ANKRD44: variants seen among roughly 807,000 people sequenced by gnomAD.
ANKRD44 encodes the protein serine/threonine-protein phosphatase 6 regulatory ankyrin repeat subunit B.
In ANKRD44, 35 loss-of-function variants were observed where a neutral mutation model predicts 116.0. The ratio of observed to expected loss-of-function variants is 0.30; its 90% confidence interval spans 0.23 to 0.40. The LOEUF is 0.40. Ranked by LOEUF, ANKRD44 falls within the 10% of genes least tolerant of loss-of-function variation. ANKRD44 has a pLI of 1.00. For missense variants in ANKRD44, 1,014 were observed against 1,242.6 expected (o/e 0.82, Z 2.77); for synonymous variants, 435 against 461.8 (o/e 0.94, Z 0.74).
At chr2:197,214,256 C>T (rs374006160) in intron 1 of ANKRD44, among the ~76,000 whole-genome samples, 1 of 152,016 alleles carries the variant, frequency 6.6e-6, no homozygotes, top group African/African-American at 2.4e-5. Flanking sequence ...AAATATGGCA[C>T]ATCAAAATGA....
At chr2:197,141,783 G>A (rs1042771874) in intron 3 of ANKRD44, among the ~76,000 whole-genome samples, 3 of 152,174 alleles carry the variant, frequency 2.0e-5, no homozygotes, top group Non-Finnish European at 4.4e-5. Context: ...GAATGGAGAC[G>A]CAAGAAGCAT....
intron 16 of ANKRD44, among the ~76,000 whole-genome samples, chr2:197,050,422 T>A (rs185569467): frequency 9.2e-5 from 14 of 151,826 alleles, no homozygotes; most frequent in Non-Finnish European, 2.1e-4. Context: ...TTGTTTTTTG[T>A]TTTTGCTTTT....
At position 197,110,644 on chromosome 2, in the gene ANKRD44, T is replaced by C; in HGVS notation, c.985+122A>G. ...TTTAGCAAAGTACATCAAAGAATTA[T>C]GTAATTGCATGCTTACTAAAACTCC... On this transcript the variant is annotated intron_variant, in intron 9 of 27. Transcript: ENST00000282272. 5.1e-6 allele frequency: 4 copies of C among 784,076 alleles called. No homozygotes were observed. In the East Asian group the frequency reaches 9.8e-5, roughly 19 times the overall value. 48.6% of individuals were successfully genotyped at this position (784,076 alleles called of 1,614,324 possible). A position where few individuals can be genotyped will look rare whatever the true frequency, so the allele number is the denominator to read the frequency against.
chr2:197,180,346 C>T (rs906513266), intron 2 of ANKRD44, among the ~76,000 whole-genome samples: 6 of 152,204 alleles, frequency 3.9e-5, no homozygotes, highest in African/African-American at 1.4e-4. Flanking sequence ...TTAGAGATTT[C>T]CTGTATTTTC....
intron 1 of ANKRD44, among the ~76,000 whole-genome samples, chr2:197,277,022 C>T (rs2564369): frequency 2.6e-5 from 4 of 151,070 alleles, no homozygotes; most frequent in South Asian, 2.1e-4. Context: ...CTGCCTCCCA[C>T]GTTCACGCCA....
chr2:197,307,061 A>G (rs771253913), intron 1 of ANKRD44, among the ~76,000 whole-genome samples: 14 of 152,190 alleles, frequency 9.2e-5, no homozygotes, highest in Non-Finnish European at 1.8e-4. Context: ...ACACACTTAA[A>G]ATGACTACAG....
chr2:197,197,261 G>A (rs2080972465), intron 1 of ANKRD44, among the ~76,000 whole-genome samples: 1 of 152,084 alleles, frequency 6.6e-6, no homozygotes, highest in Non-Finnish European at 1.5e-5. Context: ...GAAGAGAGAG[G>A]AGCCTAAGAG....
At chr2:196,982,402 G>A (rs987762449), downstream of ANKRD44, among the ~76,000 whole-genome samples, 9 of 152,132 alleles carry the variant, frequency 5.9e-5, no homozygotes. Flanking sequence ...ATAGCAGGCT[G>A]TTTCCTTGGA....
intron 1 of ANKRD44, among the ~76,000 whole-genome samples, chr2:197,275,516 CTGGTAG>C (rs1333710855): frequency 2.0e-5 from 3 of 151,290 alleles, no homozygotes; most frequent in Admixed American, 6.6e-5. Flanking sequence ...TATTCAAAGA[CTGGTAG>C]TTCATTCATT....
intron 4 of ANKRD44, chr2:197,136,096 A>C (rs908080961): frequency 6.1e-5 from 10 of 165,002 alleles, no homozygotes; most frequent in Non-Finnish European, 1.2e-4. Flanking sequence ...AACCTCCACT[A>C]TCAGATTTAC....
At chr2:197,226,929 A>G (rs576374886) in intron 1 of ANKRD44, among the ~76,000 whole-genome samples, 2 of 152,086 alleles carry the variant, frequency 1.3e-5, no homozygotes, top group African/African-American at 4.8e-5. Flanking sequence ...AGGGACCACA[A>G]TATGGACCCA....
chr2:197,242,761 G>A (rs1369042692), intron 1 of ANKRD44, among the ~76,000 whole-genome samples: 7 of 152,178 alleles, frequency 4.6e-5, no homozygotes, highest in African/African-American at 1.4e-4. Flanking sequence ...AGAGGCAAAG[G>A]ACATGCTTTT....
At chr2:197,046,068 A>AT (rs1201718691) in intron 16 of ANKRD44, among the ~76,000 whole-genome samples, 2 of 152,156 alleles carry the variant, frequency 1.3e-5, no homozygotes, top group Non-Finnish European at 2.9e-5. Flanking sequence ...TGTAGTGAAT[A>AT]TTTTTCCCAT....
At chr2:197,075,019 GAAGTTC>G (rs1027324093) in intron 16 of ANKRD44, among the ~76,000 whole-genome samples, 8 of 152,060 alleles carry the variant, frequency 5.3e-5, no homozygotes, top group African/African-American at 1.9e-4. Context: ...TCTCACAGTT[GAAGTTC>G]AAGTTCATTC....
At chr2:197,158,311 C>T (rs1468746779) in intron 2 of ANKRD44, among the ~76,000 whole-genome samples, 3 of 152,150 alleles carry the variant, frequency 2.0e-5, no homozygotes, top group South Asian at 2.1e-4. Context: ...TTTTCCATTC[C>T]GTTCTTGAAC....
chr2:197,070,704 CTG>C (rs74281028), intron 16 of ANKRD44, among the ~76,000 whole-genome samples: 2 of 151,244 alleles, frequency 1.3e-5, no homozygotes, highest in African/African-American at 2.4e-5. Flanking sequence ...CTCTCGCTCT[CTG>C]TGTGTGTGTG....
intron 10 of ANKRD44, among the ~76,000 whole-genome samples, chr2:197,094,292 T>G (rs1055770645): frequency 6.6e-6 from 1 of 152,194 alleles, no homozygotes; most frequent in Non-Finnish European, 1.5e-5. Flanking sequence ...GGCAAGTGCA[T>G]AACGGTTCCC....
At chr2:197,298,486 CAGAA>C (rs888686460) in intron 1 of ANKRD44, among the ~76,000 whole-genome samples, 5 of 152,146 alleles carry the variant, frequency 3.3e-5, no homozygotes, top group Non-Finnish European at 7.4e-5. Context: ...TATGGACAAA[CAGAA>C]AGGATTCTAA....
chr2:197,218,364 G>A (rs767839277), intron 1 of ANKRD44, among the ~76,000 whole-genome samples: 1 of 152,146 alleles, frequency 6.6e-6, no homozygotes, highest in Non-Finnish European at 1.5e-5. Flanking sequence ...TGAAATACCA[G>A]TGGGACTTCC....
Sources: gnomAD v4.1 joint callset for allele counts (sites outside exome capture counted in the v4.1 genomes callset) on GRCh38, gnomAD v4.1.1 for gene constraint, MANE v1.5 for transcripts, NCBI Gene and HGNC (gene_info 2026-07-23, HGNC 2026-07-21) for gene names.